Variants in RARB observed in about 807,000 individuals in gnomAD.
RARB encodes the protein retinoic acid receptor beta.
Under a neutral mutation model 51.9 loss-of-function variants are expected in RARB, and 17 were observed. That is an observed-to-expected ratio of 0.33 (90% CI 0.22 to 0.49). The LOEUF is 0.49. RARB is among the 20% of genes least tolerant of loss of function. The pLI, the probability that RARB is intolerant of heterozygous loss-of-function variation, is 0.99. For missense variants in RARB, 369 were observed against 550.8 expected (o/e 0.67, Z 3.30); for synonymous variants, 215 against 195.4 (o/e 1.10, Z -0.84).
intron 5 of RARB, among the ~76,000 whole-genome samples, chr3:25,358,349 G>A (rs1575339462): frequency 6.6e-6 from 1 of 152,204 alleles, no homozygotes; most frequent in African/African-American, 2.4e-5. Flanking sequence ...AGGCTTTGCT[G>A]AAGTTACTTA....
chr3:25,285,085 C>A (rs1241832147), intron 5 of RARB, among the ~76,000 whole-genome samples: 2 of 152,150 alleles, frequency 1.3e-5, no homozygotes, highest in Non-Finnish European at 2.9e-5. Context: ...ATAGAGGGAG[C>A]CCTCATGGGG....
chr3:25,233,429 TG>T (rs773059933), intron 5 of RARB, among the ~76,000 whole-genome samples: 34 of 152,276 alleles, frequency 2.2e-4, no homozygotes, highest in African/African-American at 6.0e-4. Flanking sequence ...CTAGGAGGTT[TG>T]TGTGTGTGGG....
intron 4 of RARB, among the ~76,000 whole-genome samples, chr3:25,149,296 C>A (rs1700244924): frequency 1.3e-5 from 2 of 152,106 alleles, no homozygotes; most frequent in Admixed American, 6.5e-5. Context: ...TCAAATTTAC[C>A]CAGAAAATCA....
chr3:24,899,456 C>A (rs1050619269), intron 2 of RARB, among the ~76,000 whole-genome samples: 16 of 152,114 alleles, frequency 1.1e-4, no homozygotes, highest in African/African-American at 3.9e-4. Context: ...ACTGGCCAGT[C>A]ATGTGAGAGG....
chr3:25,445,729 A>G (rs190022934), intron 1 of RARB, among the ~76,000 whole-genome samples: 1 of 152,266 alleles, frequency 6.6e-6, no homozygotes, highest in Non-Finnish European at 1.5e-5. Flanking sequence ...CCACAGTGAG[A>G]GTTATTATTT....
chr3:25,135,345 C>G (rs143710593), intron 4 of RARB, among the ~76,000 whole-genome samples: 37 of 151,990 alleles, frequency 2.4e-4, no homozygotes, highest in African/African-American at 8.0e-4. Context: ...TGACACAATT[C>G]TAAAGCGTCC....
chr3:25,347,626 G>T (rs912874858), intron 5 of RARB, among the ~76,000 whole-genome samples: 1 of 152,200 alleles, frequency 6.6e-6, no homozygotes, highest in Admixed American at 6.5e-5. Context: ...GCATGGAAAG[G>T]TATCATGGTA....
At chr3:25,462,163 A>T (rs1168001635) in intron 2 of RARB, 1 of 152,166 alleles carries the variant, frequency 6.6e-6, no homozygotes, top group African/African-American at 2.4e-5. Context: ...AATTCAGGGG[A>T]GCTGGATTTA....
chr3:24,846,192 T>C (rs1025123044), intron 1 of RARB, among the ~76,000 whole-genome samples: 1 of 152,220 alleles, frequency 6.6e-6, no homozygotes, highest in African/African-American at 2.4e-5. Flanking sequence ...GCCTGCTGGG[T>C]GATCTTAGGC....
Position 25,088,057 on chromosome 3 carries a change from A to G in RARB, c.-328+27881A>G, listed in dbSNP as rs145487546. Among the ~76,000 whole-genome samples the G allele has an allele frequency of 2.0e-4, 30 of 152,140 alleles. No homozygotes were observed. The East Asian group carries it at 5.8e-3, about 29-fold the overall frequency. ...TAAAGGACAGCAGTTTTGCTAGCAA[A>G]GAAACCAAAAATAAGTAGAAATTGG... On this transcript the variant is annotated intron_variant, in intron 3 of 11. Transcript: ENST00000383772.
At chr3:25,181,766 AGTCAGTAGTAG>A in intron 5 of RARB, among the ~76,000 whole-genome samples, 1 of 152,182 alleles carries the variant, frequency 6.6e-6, no homozygotes, top group Non-Finnish European at 1.5e-5. Context: ...TTGCCATGCA[AGTCAGTAGTAG>A]GTTGATCTTT....
At position 25,379,333 on chromosome 3, in the gene RARB, T is replaced by C. The variant is rs56254711; in HGVS notation, c.179-81860T>C. On this transcript the variant is annotated intron_variant, in intron 5 of 11. Coordinates refer to the RARB transcript ENST00000383772. ...GGAGTCCACATCTTTCTACTATTTC[T>C]TGAACATGGAAACAAAAAAAAATTA... 5.5e-3 allele frequency among the ~76,000 whole-genome samples: 844 copies of C among 152,280 alleles called. 12 individuals carry two copies. The highest frequency in any genetic ancestry group is 0.019 in the African/African-American group (801 of 41,552).
intron 2 of RARB, among the ~76,000 whole-genome samples, chr3:25,465,537 C>T (rs1189005517): frequency 6.6e-6 from 1 of 152,184 alleles, no homozygotes; most frequent in Non-Finnish European, 1.5e-5. Context: ...AGAGAACTTT[C>T]CATCCTCCTA....
At chr3:25,390,430 T>G (rs1021273385) in intron 5 of RARB, among the ~76,000 whole-genome samples, 1 of 152,220 alleles carries the variant, frequency 6.6e-6, no homozygotes, top group Admixed American at 6.5e-5. Flanking sequence ...TCCAGAATTA[T>G]GAGCAATAAA....
intron 5 of RARB, among the ~76,000 whole-genome samples, chr3:25,330,469 G>C (rs1704858814): frequency 6.6e-6 from 1 of 152,168 alleles, no homozygotes; most frequent in Non-Finnish European, 1.5e-5. Context: ...AATGCTGAGA[G>C]ATTTTGTCAC....
intron 3 of RARB, among the ~76,000 whole-genome samples, chr3:25,121,568 A>G (rs183613328): frequency 2.0e-4 from 30 of 152,274 alleles, no homozygotes; most frequent in Admixed American, 1.8e-3. Context: ...TGGCTTAGCA[A>G]GGTATTAGAA....
At chr3:24,983,021 A>G (rs1696710631) in intron 2 of RARB, among the ~76,000 whole-genome samples, 1 of 152,214 alleles carries the variant, frequency 6.6e-6, no homozygotes, top group Admixed American at 6.5e-5. Flanking sequence ...ATATATATTG[A>G]CTTTTCCAAG....
chr3:25,412,281 T>C (rs1251019759), intron 5 of RARB, among the ~76,000 whole-genome samples: 2 of 152,224 alleles, frequency 1.3e-5, no homozygotes, highest in Non-Finnish European at 2.9e-5. Context: ...AAGATAAAAA[T>C]TACATCTTAA....
At chr3:25,061,915 A>G (rs1196320719) in intron 3 of RARB, among the ~76,000 whole-genome samples, 1 of 151,834 alleles carries the variant, frequency 6.6e-6, no homozygotes, top group South Asian at 2.1e-4. Flanking sequence ...TGGCACTGGC[A>G]TAAGAGTAAA....
Sources: allele counts gnomAD v4.1 joint callset (sites outside exome capture counted in the v4.1 genomes callset), GRCh38; gene constraint gnomAD v4.1.1; transcripts MANE v1.5; gene names NCBI Gene and HGNC (gene_info 2026-07-23, HGNC 2026-07-21).